PLA1A: variants seen among roughly 807,000 people sequenced by gnomAD.
The protein encoded by PLA1A is phosphatidylserine-specific phospholipase A1alpha.
In PLA1A, 47 loss-of-function variants were observed where a neutral mutation model predicts 49.4. The ratio of observed to expected loss-of-function variants is 0.95; its 90% CI spans 0.75 to 1.21. The LOEUF is 1.21. PLA1A is among the 50% of genes most tolerant of loss of function. PLA1A has a pLI of 0.00. For missense variants in PLA1A, 561 were observed against 563.9 expected (o/e 0.99, Z 0.05); for synonymous variants, 224 against 207.9 (o/e 1.08, Z -0.67).
intron 9 of PLA1A, 60 bp from the exon 10 acceptor site, chr3:119,628,641 G>T: frequency 6.6e-7 from 1 of 1,522,144 alleles, no homozygotes; most frequent in South Asian, 1.2e-5. Flanking sequence ...CGGAGCCAAA[G>T]GGGAAGTACA....
chr3:119,615,754 T>C (rs1332656737), intron 5 of PLA1A, among the ~76,000 whole-genome samples: 1 of 150,294 alleles, frequency 6.7e-6, no homozygotes, highest in Non-Finnish European at 1.5e-5. Flanking sequence ...GAGGTTGCAG[T>C]GAGAGAAGAT....
In PLA1A at chr3:119,628,866, G is replaced by A; in HGVS notation, c.1286+1G>A. 2 of 1,612,528 alleles carry A rather than the reference G, an allele frequency of 1.2e-6. No individual in the cohort carries two copies. The highest frequency in any genetic ancestry group is 2.2e-5 in the South Asian group (2 of 90,980). On this transcript the variant is annotated splice_donor_variant, in intron 10 of 10. Coordinates refer to ENST00000273371, the MANE Select transcript of PLA1A (RefSeq NM_015900.4). LOFTEE classifies it high-confidence loss of function. The stretch of plus-strand genomic sequence containing the variant: ...CTGCCCTTTTGCCTGTCAATGACAG[G>A]TAAGCCCCAGTATTCACCTCTGCAC...
rs763005184 is a variant in PLA1A at position 119,616,057 on chromosome 3, A to G, written c.710A>G (p.Asn237Ser). 3.1e-6 allele frequency: 5 copies of G among 1,613,694 alleles called. No homozygotes were observed. The highest frequency in any genetic ancestry group is 1.7e-5 in the Admixed American group (1 of 60,012). Residue 237 changes from asparagine (N) to serine (S), a missense_variant, in exon 6 of 11, where the codon AAC (asparagine) becomes AGC (serine). By Grantham distance (46) the Asn-to-Ser change is conservative. Coordinates refer to ENST00000273371, the MANE Select transcript of PLA1A (RefSeq NM_015900.4). Reference protein sequence around the residue: ...IPVGHVDYFVNGGQDQPGCPT... With the variant: ...IPVGHVDYFVSGGQDQPGCPT... ...GTTGGACATGTGGACTACTTCGTCA[A>G]CGGAGGCCAAGACCAACCTGGCTGC...
At chr3:119,601,051 C>T (rs1489791851) in intron 1 of PLA1A, among the ~76,000 whole-genome samples, 1 of 152,248 alleles carries the variant, frequency 6.6e-6, no homozygotes, top group African/African-American at 2.4e-5. Flanking sequence ...TGCTTCCCGA[C>T]ACATGCACCG....
chr3:119,617,665 C>T (rs568035820), intron 6 of PLA1A, among the ~76,000 whole-genome samples: 2 of 151,806 alleles, frequency 1.3e-5, no homozygotes, highest in South Asian at 4.2e-4. Context: ...ATTGCTTAAA[C>T]CCAGGAGGCA....
chr3:119,604,027 T>C (rs2082651307), intron 1 of PLA1A, among the ~76,000 whole-genome samples: 1 of 152,274 alleles, frequency 6.6e-6, no homozygotes, highest in African/African-American at 2.4e-5. Context: ...TAGCCACTCT[T>C]TGCAAGTTTT....
chr3:119,629,273 G>A, intron 10 of PLA1A, 111 bp from the exon 11 acceptor site: 1 of 747,146 alleles, frequency 1.3e-6, no homozygotes, highest in Non-Finnish European at 2.4e-6. Flanking sequence ...GCTCTTAATT[G>A]TAGGTGATTG....
chr3:119,612,736 C>T (rs2082785834), intron 4 of PLA1A, among the ~76,000 whole-genome samples: 3 of 152,188 alleles, frequency 2.0e-5, no homozygotes, highest in South Asian at 4.1e-4. Context: ...GATCCGCCTG[C>T]CTCGGCCTCC....
chr3:119,613,360 T>C (rs1055246049), intron 5 of PLA1A, among the ~76,000 whole-genome samples: 1 of 152,240 alleles, frequency 6.6e-6, no homozygotes, highest in African/African-American at 2.4e-5. Flanking sequence ...AGACCAAAAG[T>C]ATTTGGTTAT....
chr3:119,612,612 C>A (rs9857345), intron 4 of PLA1A, among the ~76,000 whole-genome samples: 396 of 152,154 alleles, frequency 2.6e-3, no homozygotes, highest in African/African-American at 9.2e-3. Flanking sequence ...CCTCAGCCTC[C>A]CGAGTCGCTG....
At position 119,608,866 on chromosome 3, in the gene PLA1A, G is replaced by T. The variant is rs371605005; in HGVS notation, c.372G>T (p.Gly124=). ...TGATTGCCGTGGACTGGATTTATGG[G>T]TCTACAGGAGTCTACTTCTCAGCTG... is the stretch of plus-strand genomic sequence containing the variant. ...ANVIAVDWIY[G]STGVYFSAVK... The change falls in exon 3 of 11, where the codon GGG becomes GGT. Residue 124 remains glycine, a synonymous_variant. Coordinates refer to ENST00000273371, the MANE Select transcript of PLA1A (RefSeq NM_015900.4). 6.2e-7 allele frequency: 1 copy of T among 1,613,572 alleles called. No individual in the cohort carries two copies. The highest frequency in any genetic ancestry group is 8.5e-7 in the Non-Finnish European group (1 of 1,179,582).
chr3:119,607,364 G>C (rs2107780607), intron 2 of PLA1A, among the ~76,000 whole-genome samples: 1 of 152,294 alleles, frequency 6.6e-6, no homozygotes, highest in South Asian at 2.1e-4. Context: ...GGGTGTGATG[G>C]AGCTATGCAC....
At chr3:119,615,234 G>T (rs1169696238) in intron 5 of PLA1A, among the ~76,000 whole-genome samples, 1 of 152,198 alleles carries the variant, frequency 6.6e-6, no homozygotes, top group Non-Finnish European at 1.5e-5. Flanking sequence ...CACAGCAGAG[G>T]GTCCAGGAAT....
intron 8 of PLA1A, among the ~76,000 whole-genome samples, chr3:119,623,717 C>CTTTTT (rs35309675): frequency 9.7e-4 from 98 of 101,480 alleles, no homozygotes; most frequent in African/African-American, 3.3e-3. Context: ...TTCTCTCTTT[C>CTTTTT]TTTTTTTTTT....
In PLA1A at chr3:119,607,121, G is replaced by A. The variant is rs2082699868; in HGVS notation, c.275+146G>A. 6.0e-6 allele frequency: 4 copies of A among 667,194 alleles called. No individual in the cohort carries two copies. The South Asian group carries it at 7.2e-5, about 12-fold the overall frequency. The allele number at this position is 667,194 out of a possible 1,614,324, so 41.3% of individuals were successfully genotyped here. A position where few individuals can be genotyped will look rare whatever the true frequency, so the allele number is the denominator to read the frequency against. Reference sequence around the variant, plus strand: ...CCTCATATCCTGCTGTCTTTGATGGGGTCTCATGTCAACATGCACACATGG... The same window carrying A: ...CCTCATATCCTGCTGTCTTTGATGGAGTCTCATGTCAACATGCACACATGG... On this transcript the variant is annotated intron_variant, in intron 2 of 10. Transcript: ENST00000273371.
chr3:119,608,248 GAAAGAAAGAA>G (rs1560078854), intron 2 of PLA1A, among the ~76,000 whole-genome samples: 2 of 78,776 alleles, frequency 2.5e-5, no homozygotes, highest in Non-Finnish European at 6.5e-5. Context: ...AAGAGAGAAA[GAAAGAAAGAA>G]AGAAAGAAAG....
intron 1 of PLA1A, among the ~76,000 whole-genome samples, chr3:119,602,052 C>A (rs1394569853): frequency 6.6e-6 from 1 of 151,908 alleles, no homozygotes; most frequent in Non-Finnish European, 1.5e-5. Flanking sequence ...GTCTTGTTAT[C>A]CTGGATGGAT....
intron 1 of PLA1A, chr3:119,600,312 G>A: frequency 1.4e-6 from 1 of 697,328 alleles, no homozygotes; most frequent in South Asian, 1.5e-5. Context: ...GCTTTAGATT[G>A]TTGAGCTCCT....
chr3:119,623,164 C>T (rs1444175369), intron 8 of PLA1A, among the ~76,000 whole-genome samples: 1 of 151,564 alleles, frequency 6.6e-6, no homozygotes, highest in Admixed American at 6.6e-5. Context: ...TTTTTTGAGA[C>T]AGGGTCTCCC....
Sources: gnomAD v4.1 joint callset for allele counts (sites outside exome capture counted in the v4.1 genomes callset) on GRCh38, gnomAD v4.1.1 for gene constraint, MANE v1.5 for transcripts, NCBI Gene and HGNC (gene_info 2026-07-23, HGNC 2026-07-21) for gene names.